The following HS6ST3 variants were observed in gnomAD, a reference collection of about 807,000 sequenced individuals.
The protein encoded by HS6ST3 is heparan-sulfate 6-O-sulfotransferase 3.
Under a neutral mutation model 36.7 loss-of-function variants are expected in HS6ST3, and 12 were observed. The observed-to-expected ratio is 0.33, with a 90% CI of 0.21 to 0.53. The LOEUF is 0.53. HS6ST3 is among the 20% of genes least tolerant of loss of function. The pLI, the probability that HS6ST3 is intolerant of heterozygous loss-of-function variation, is 0.95. For synonymous variants in HS6ST3, 240 were observed against 257.5 expected, an observed-to-expected ratio of 0.93 and a Z score of 0.65; for missense variants, 584 against 640.9, an observed-to-expected ratio of 0.91 and a Z score of 0.96.
chr13:96,114,759 A>T (rs942478951), intron 1 of HS6ST3, among the ~76,000 whole-genome samples: 1 of 152,210 alleles, frequency 6.6e-6, no homozygotes, highest in East Asian at 1.9e-4. Context: ...AAACCCCCAA[A>T]TAAATAAAAC....
chr13:96,514,214 A>G (rs752004803), intron 1 of HS6ST3, among the ~76,000 whole-genome samples: 1 of 152,182 alleles, frequency 6.6e-6, no homozygotes, highest in African/African-American at 2.4e-5. Flanking sequence ...AGATTCAGTG[A>G]TACCAGCGTG....
intron 1 of HS6ST3, among the ~76,000 whole-genome samples, chr13:96,815,187 G>A (rs774215730): frequency 2.0e-5 from 3 of 152,166 alleles, no homozygotes; most frequent in African/African-American, 7.2e-5. Context: ...GGGAGACACC[G>A]TGCCAGGCCT....
chr13:96,832,944 G>A lies in HS6ST3; in HGVS notation c.1162G>A (p.Glu388Lys). ...CAACATCACGCGGGCTTCTAACGTG[G>A]AGATCAACGAGGGTGCCCGCCAACG... is the stretch of plus-strand genomic sequence containing the variant. ...QFNITRASNV[E>K]INEGARQRIE... The change falls in exon 2 of 2, where the codon GAG becomes AAG. Residue 388 changes from glutamate (E) to lysine (K), a missense_variant. Glu to Lys is a moderately conservative substitution (Grantham distance 56). This residue lies in a region of HS6ST3 where 360 missense variants were observed against 411.3 expected (regional missense o/e 0.88). Transcript: ENST00000376705. 1 of 1,613,958 alleles carries A rather than the reference G, an allele frequency of 6.2e-7. No homozygotes were observed. Among genetic ancestry groups the A allele is most frequent in the Non-Finnish European group, 8.5e-7 (1 of 1,179,966 alleles).
intron 1 of HS6ST3, among the ~76,000 whole-genome samples, chr13:96,340,335 A>G (rs2055123898): frequency 6.6e-6 from 1 of 152,180 alleles, no homozygotes; most frequent in Non-Finnish European, 1.5e-5. Context: ...GAGTTTGGAG[A>G]TAGATGGGCC....
chr13:96,371,528 T>G (rs1315510354), intron 1 of HS6ST3, among the ~76,000 whole-genome samples: 1 of 152,176 alleles, frequency 6.6e-6, no homozygotes, highest in Non-Finnish European at 1.5e-5. Context: ...TACATAATTT[T>G]TAGCTATAGT....
At chr13:96,091,636 C>A in intron 1 of HS6ST3, 67 bp downstream of exon 1, 4 of 1,467,870 alleles carry the variant, frequency 2.7e-6, no homozygotes, top group Non-Finnish European at 3.6e-6. Context: ...AGTCCTGACC[C>A]AGAGCGACCC....
At chr13:96,270,101 C>A (rs2054712658) in intron 1 of HS6ST3, among the ~76,000 whole-genome samples, 1 of 151,928 alleles carries the variant, frequency 6.6e-6, no homozygotes, top group Non-Finnish European at 1.5e-5. Flanking sequence ...CCCAATTTGT[C>A]TCTTTATATA....
At chr13:96,366,443 T>G (rs1008045998) in intron 1 of HS6ST3, among the ~76,000 whole-genome samples, 1 of 103,940 alleles carries the variant, frequency 9.6e-6, no homozygotes, top group Non-Finnish European at 2.0e-5. Flanking sequence ...AGCAAGACCT[T>G]GTCTCAAATA....
chr13:96,288,943 T>A (rs2054816667), intron 1 of HS6ST3, among the ~76,000 whole-genome samples: 1 of 152,028 alleles, frequency 6.6e-6, no homozygotes, highest in Non-Finnish European at 1.5e-5. Flanking sequence ...TGGCTAGAAT[T>A]GATGAGGGAA....
At chr13:96,368,813 G>C (rs965968948) in intron 1 of HS6ST3, among the ~76,000 whole-genome samples, 2 of 152,046 alleles carry the variant, frequency 1.3e-5, no homozygotes, top group Non-Finnish European at 2.9e-5. Context: ...GGAAAAGTTG[G>C]GTAATGATTT....
chr13:96,430,371 C>T (rs1317302740), intron 1 of HS6ST3, among the ~76,000 whole-genome samples: 3 of 152,176 alleles, frequency 2.0e-5, no homozygotes, highest in East Asian at 1.9e-4. Flanking sequence ...CGCCCTCCCT[C>T]CTAGATTCTT....
intron 1 of HS6ST3, among the ~76,000 whole-genome samples, chr13:96,401,262 A>C (rs2055449780): frequency 6.6e-6 from 1 of 152,170 alleles, no homozygotes; most frequent in South Asian, 2.1e-4. Context: ...ACTCTGACTC[A>C]TAGGGGACAT....
At chr13:96,293,522 C>G (rs1026730221) in intron 1 of HS6ST3, among the ~76,000 whole-genome samples, 9 of 152,060 alleles carry the variant, frequency 5.9e-5, no homozygotes, top group Non-Finnish European at 1.2e-4. Context: ...TGTACATAAA[C>G]TCACACACAG....
rs79019509 is a variant in HS6ST3, at chr13:96,826,843, A to G, written c.708-5647A>G. Among the ~76,000 whole-genome samples, 1,508 of 152,298 alleles carry G rather than the reference A, an allele frequency of 9.9e-3. 20 individuals are homozygous for G. The highest frequency in any genetic ancestry group is 0.035 in the African/African-American group (1,440 of 41,560). On this transcript the variant is annotated intron_variant, in intron 1 of 1. Transcript: ENST00000376705. ...AGCCTTGATGGCCTATATTATAATT[A>G]TCAGTTAAAATGATTATTGACTTAA...
chr13:96,246,019 G>A (rs1048619055), intron 1 of HS6ST3, among the ~76,000 whole-genome samples: 1 of 151,976 alleles, frequency 6.6e-6, no homozygotes, highest in Non-Finnish European at 1.5e-5. Context: ...AAAAGATTAG[G>A]GTTAGTCAGT....
intron 1 of HS6ST3, among the ~76,000 whole-genome samples, chr13:96,694,820 G>A (rs2138447818): frequency 6.6e-6 from 1 of 151,694 alleles, no homozygotes; most frequent in South Asian, 2.1e-4. Flanking sequence ...TATGCTTTTT[G>A]GCCGTGTATA....
chr13:96,446,533 T>C (rs2055700055), intron 1 of HS6ST3, among the ~76,000 whole-genome samples: 1 of 152,212 alleles, frequency 6.6e-6, no homozygotes, highest in Non-Finnish European at 1.5e-5. Context: ...ATCTCTGGTG[T>C]GACCTCCCTC....
intron 1 of HS6ST3, among the ~76,000 whole-genome samples, chr13:96,279,829 C>T (rs1594741480): frequency 6.6e-6 from 1 of 152,132 alleles, no homozygotes; most frequent in South Asian, 2.1e-4. Flanking sequence ...TTCTGAATTG[C>T]ACCTATAGTT....
At chr13:96,705,816 C>T (rs1339544605) in intron 1 of HS6ST3, among the ~76,000 whole-genome samples, 6 of 152,202 alleles carry the variant, frequency 3.9e-5, no homozygotes, top group Admixed American at 1.3e-4. Context: ...CGTCCACCCA[C>T]CCCACTGGCC....
Sources: gnomAD v4.1 joint callset for allele counts (sites outside exome capture counted in the v4.1 genomes callset) on GRCh38, gnomAD v4.1.1 for gene constraint, gnomAD v4.1.1 regional missense constraint, MANE v1.5 for transcripts, NCBI Gene and HGNC (gene_info 2026-07-23, HGNC 2026-07-21) for gene names.